Variants in KIAA0513 observed in about 807,000 individuals in gnomAD.
KIAA0513 encodes KIAA0513.
Under a neutral mutation model 56.5 loss-of-function variants are expected in KIAA0513, and 39 were observed. The observed-to-expected ratio is 0.69, with a 90% CI of 0.53 to 0.90. The LOEUF (loss-of-function observed/expected upper bound fraction) is 0.90, where lower values mean the gene tolerates loss of function less well. Among genes scored for constraint, KIAA0513 ranks in the 40% least tolerant of loss-of-function variants. The pLI is 0.00. For synonymous variants in KIAA0513, 268 were observed against 215.6 expected (o/e 1.24, Z -2.13); for missense variants, 591 against 535.2 (o/e 1.10, Z -1.03).
intron 1 of KIAA0513, among the ~76,000 whole-genome samples, chr16:85,045,034 C>T (rs1400546671): frequency 5.9e-5 from 9 of 152,138 alleles, no homozygotes; most frequent in African/African-American, 2.2e-4. Flanking sequence ...AGGAGAACGG[C>T]GTGAACCTGG....
chr16:85,048,286 G>C (rs778007842), intron 1 of KIAA0513, among the ~76,000 whole-genome samples: 1 of 152,242 alleles, frequency 6.6e-6, no homozygotes, highest in African/African-American at 2.4e-5. Flanking sequence ...CAAAGGCTTC[G>C]ACCGTCAGCA....
chr16:85,067,471 G>T (rs540830429), intron 2 of KIAA0513, 71 bp downstream of exon 2: 21 of 1,262,014 alleles, frequency 1.7e-5, no homozygotes, highest in Non-Finnish European at 2.3e-5. Context: ...TCCTGCTCTC[G>T]GCTCTGCCTC....
chr16:85,034,936 G>A (rs1199951617), intron 1 of KIAA0513, among the ~76,000 whole-genome samples: 2 of 152,180 alleles, frequency 1.3e-5, no homozygotes, highest in African/African-American at 2.4e-5. Flanking sequence ...CTGAGAAAGT[G>A]CAGGTCACCT....
intron 1 of KIAA0513, chr16:85,063,370 A>T (rs1028795583): frequency 1.3e-5 from 2 of 152,206 alleles, no homozygotes; most frequent in African/African-American, 4.8e-5. Flanking sequence ...GGTTCAAGTG[A>T]TTCTCCTGCC....
In KIAA0513 at chr16:85,088,307, G is replaced by A; in HGVS notation, c.1218G>A (p.Glu406=). The stretch of plus-strand genomic sequence containing the variant: ...ACAAGCTGCTTAGTGACCACATTGA[G>A]CAAATGGCCACTGAGTAGGCCCCAG... ...EQYKLLSDHI[E]QMATE The change falls in exon 13 of 13, where the codon GAG becomes GAA. Residue 406 remains glutamate, a synonymous_variant. Coordinates refer to ENST00000683363, the MANE Select transcript of KIAA0513 (RefSeq NM_001388359.1). 6.2e-7 allele frequency: 1 copy of A among 1,611,860 alleles called. No individual in the cohort carries two copies. Among genetic ancestry groups the A allele is most frequent in the East Asian group, 2.2e-5 (1 of 44,882 alleles).
intron 9 of KIAA0513, among the ~76,000 whole-genome samples, chr16:85,082,145 G>T (rs1269736610): frequency 2.0e-5 from 3 of 152,212 alleles, no homozygotes; most frequent in Non-Finnish European, 2.9e-5. Context: ...CTGTTGGGGG[G>T]AAGACTCGAG....
chr16:85,030,284 A>G (rs543599471), intron 1 of KIAA0513, among the ~76,000 whole-genome samples: 1 of 152,212 alleles, frequency 6.6e-6, no homozygotes, highest in African/African-American at 2.4e-5. Flanking sequence ...GTGAGGCAAG[A>G]GAGCACGCAG....
Position 85,076,594 on chromosome 16 carries a change from C to G in KIAA0513, c.574+680C>G, listed in dbSNP as rs911801798. Among the ~76,000 whole-genome samples the G allele has an allele frequency of 6.6e-6, 1 of 152,140 alleles. No homozygotes were observed. Among genetic ancestry groups the G allele is most frequent in the Non-Finnish European group, 1.5e-5 (1 of 68,018 alleles). ...AGGCCCTGGTCCCCCGTGCTTTCCT[C>G]TCTCGGGACCCGCGTGCTCACTCTT... On this transcript the variant is annotated intron_variant, in intron 5 of 12. Transcript: ENST00000683363. The surrounding 1 kb of genome is among the most constrained non-coding windows in gnomAD (Gnocchi z 4.7).
chr16:85,068,534 A>C (rs1220537366), intron 2 of KIAA0513, among the ~76,000 whole-genome samples: 1 of 151,144 alleles, frequency 6.6e-6, no homozygotes, highest in East Asian at 2.0e-4. Context: ...GGGTTTCACC[A>C]TGTTAGCCAG....
At chr16:85,068,401 T>C (rs2073521696) in intron 2 of KIAA0513, among the ~76,000 whole-genome samples, 1 of 151,048 alleles carries the variant, frequency 6.6e-6, no homozygotes, top group African/African-American at 2.4e-5. Flanking sequence ...GGCGTGATCT[T>C]GGCTCACTGC....
intron 1 of KIAA0513, among the ~76,000 whole-genome samples, chr16:85,051,341 C>T (rs1031112631): frequency 5.9e-5 from 9 of 152,114 alleles, no homozygotes; most frequent in Non-Finnish European, 1.2e-4. Context: ...AAAATAGGAC[C>T]TATCTTTGGA....
intron 1 of KIAA0513, among the ~76,000 whole-genome samples, chr16:85,033,165 G>A (rs943433067): frequency 2.0e-5 from 3 of 152,206 alleles, no homozygotes; most frequent in Non-Finnish European, 4.4e-5. Context: ...TGATTTGCGA[G>A]ACAAGTACTG....
chr16:85,061,389 G>T (rs959160614), intron 1 of KIAA0513, among the ~76,000 whole-genome samples: 1 of 152,154 alleles, frequency 6.6e-6, no homozygotes, highest in African/African-American at 2.4e-5. Context: ...GCTGACCTGT[G>T]TGCGGGTTCC....
chr16:85,087,002 C>T (rs1223202508), intron 11 of KIAA0513, 70 bp from the exon 12 acceptor site: 11 of 1,439,052 alleles, frequency 7.6e-6, no homozygotes, highest in East Asian at 4.6e-5. Context: ...GTCCCAGAGA[C>T]AAGGGCCCAG....
At position 85,077,647 on chromosome 16, in the gene KIAA0513, G is replaced by A; in HGVS notation, c.782+15G>A. ...AGGAGGAACGAGTACGTGTGGCCTT[G>A]GGGTCCCTCCCACCTGCAGGGGACT... is the stretch of plus-strand genomic sequence containing the variant. On this transcript the variant is annotated intron_variant, in intron 6 of 12. Transcript: ENST00000683363. 1 of 1,586,232 alleles carries A rather than the reference G, an allele frequency of 6.3e-7. No individual in the cohort carries two copies. The highest frequency in any genetic ancestry group is 8.6e-7 in the Non-Finnish European group (1 of 1,162,416).
intron 8 of KIAA0513, among the ~76,000 whole-genome samples, chr16:85,080,598 A>G (rs1311670918): frequency 2.0e-5 from 3 of 152,168 alleles, no homozygotes; most frequent in Non-Finnish European, 4.4e-5. Context: ...GCTCGAGACC[A>G]GCCTGGTCAA....
intron 5 of KIAA0513, 79 bp downstream of exon 5, chr16:85,075,993 A>G (rs1411232050): frequency 5.8e-6 from 7 of 1,208,886 alleles, no homozygotes; most frequent in African/African-American, 1.5e-5. Flanking sequence ...AGCTTTCTTC[A>G]TGATAAAAAG....
chr16:85,048,813 G>A (rs1316275192), intron 1 of KIAA0513, among the ~76,000 whole-genome samples: 1 of 152,198 alleles, frequency 6.6e-6, no homozygotes, highest in Non-Finnish European at 1.5e-5. Context: ...GATAAGGGAG[G>A]ATTTCAGAAG....
intron 10 of KIAA0513, among the ~76,000 whole-genome samples, chr16:85,085,641 C>G (rs951491894): frequency 6.6e-6 from 1 of 152,138 alleles, no homozygotes; most frequent in Non-Finnish European, 1.5e-5. Flanking sequence ...AGGCCCCAGG[C>G]CCTGGAGGGA....
Sources: allele counts gnomAD v4.1 joint callset (sites outside exome capture counted in the v4.1 genomes callset), GRCh38; gene constraint gnomAD v4.1.1; non-coding constraint Gnocchi (gnomAD v3.1); transcripts MANE v1.5; gene names NCBI Gene and HGNC (gene_info 2026-07-23, HGNC 2026-07-21).